The following RPS6KC1 variants were observed in gnomAD, a reference collection of about 807,000 sequenced individuals.
The protein encoded by RPS6KC1 is ribosomal protein S6 kinase C1.
A neutral mutation model predicts 103.8 loss-of-function variants in RPS6KC1; 54 were observed. The observed-to-expected ratio is 0.52, with a 90% CI of 0.42 to 0.65. The LOEUF is 0.65. Ranked by LOEUF, RPS6KC1 falls within the 30% of genes least tolerant of loss-of-function variation. The probability of loss-of-function intolerance (pLI) is 0.00; values close to 1 mark genes in which losing one functional copy is unlikely to be tolerated. For synonymous variants in RPS6KC1, 439 were observed against 438.7 expected, an observed-to-expected ratio of 1.00 and a Z score of -0.01; for missense variants, 1,151 against 1,253.8, an observed-to-expected ratio of 0.92 and a Z score of 1.24.
chr1:213,841,827 C>T, the RPS6KC1 span, among the ~76,000 whole-genome samples: 1 of 152,184 alleles, frequency 6.6e-6, no homozygotes, highest in African/African-American at 2.4e-5. Flanking sequence ...CAAAAGTTTT[C>T]AATGACTCAT....
At chr1:213,224,527 T>C (rs1442057112) in intron 8 of RPS6KC1, among the ~76,000 whole-genome samples, 3 of 152,240 alleles carry the variant, frequency 2.0e-5, no homozygotes, top group African/African-American at 7.2e-5. Flanking sequence ...CAATAAGGTA[T>C]GCTATCCAAG....
At chr1:213,639,542 G>T in the RPS6KC1 span, among the ~76,000 whole-genome samples, 1 of 151,872 alleles carries the variant, frequency 6.6e-6, no homozygotes, top group Non-Finnish European at 1.5e-5. Context: ...GGATTTTTTG[G>T]TAGATGTTCC....
the RPS6KC1 span, among the ~76,000 whole-genome samples, chr1:213,648,757 T>C: frequency 6.6e-6 from 1 of 152,080 alleles, no homozygotes; most frequent in East Asian, 1.9e-4. Context: ...GCCAGCCATA[T>C]GAGATATCAC....
the RPS6KC1 span, among the ~76,000 whole-genome samples, chr1:213,694,231 A>G: frequency 1.3e-5 from 2 of 152,186 alleles, no homozygotes; most frequent in Admixed American, 6.5e-5. Context: ...TTCAACTCTG[A>G]AAGGCTTCAA....
chr1:213,346,952 C>T, the RPS6KC1 span, among the ~76,000 whole-genome samples: 1 of 152,052 alleles, frequency 6.6e-6, no homozygotes, highest in Non-Finnish European at 1.5e-5. Context: ...AATAATTTTA[C>T]AGTGATGATA....
At chr1:213,702,544 G>A in the RPS6KC1 span, among the ~76,000 whole-genome samples, 1 of 151,748 alleles carries the variant, frequency 6.6e-6, no homozygotes, top group Non-Finnish European at 1.5e-5. Flanking sequence ...TTGTTTTGGG[G>A]CCTCTCTCTT....
intron 6 of RPS6KC1, among the ~76,000 whole-genome samples, chr1:213,167,233 G>T (rs1022240293): frequency 2.0e-5 from 3 of 152,146 alleles, no homozygotes; most frequent in Non-Finnish European, 2.9e-5. Context: ...GTGATGAGGG[G>T]AAGGGGTAGA....
chr1:213,190,282 G>A (rs1019757655), intron 8 of RPS6KC1, among the ~76,000 whole-genome samples: 4 of 151,976 alleles, frequency 2.6e-5, no homozygotes, highest in Non-Finnish European at 4.4e-5. Flanking sequence ...GAGTATGAGG[G>A]CTCCCTTTTT....
chr1:213,317,638 G>GTTA, the RPS6KC1 span, among the ~76,000 whole-genome samples: 2 of 152,334 alleles, frequency 1.3e-5, no homozygotes, highest in Admixed American at 1.3e-4. Context: ...CCTATAGCAG[G>GTTA]TAGGAAGTGC....
At chr1:213,649,280 C>T in the RPS6KC1 span, among the ~76,000 whole-genome samples, 1 of 151,722 alleles carries the variant, frequency 6.6e-6, no homozygotes, top group African/African-American at 2.4e-5. Flanking sequence ...AAAAAGTCTC[C>T]AACAATGTCT....
At chr1:213,706,328 C>T in the RPS6KC1 span, among the ~76,000 whole-genome samples, 1 of 152,160 alleles carries the variant, frequency 6.6e-6, no homozygotes, top group Non-Finnish European at 1.5e-5. Context: ...GGGCAGGCAT[C>T]AGCTAGGTTT....
chr1:213,450,770 G>A, the RPS6KC1 span, among the ~76,000 whole-genome samples: 23 of 152,298 alleles, frequency 1.5e-4, no homozygotes, highest in South Asian at 4.6e-3. Context: ...GAGGTCAGGA[G>A]TTCGAGACCA....
chr1:213,272,725 G>A lies in RPS6KC1; in HGVS notation c.*91G>A. 1.1e-6 allele frequency: 1 copy of A among 876,246 alleles called. No individual in the cohort carries two copies. The highest frequency in any genetic ancestry group is 1.9e-6 in the Non-Finnish European group (1 of 529,622). The allele number at this position is 876,246 out of a possible 1,614,324, so 54.3% of individuals were successfully genotyped here. ...CACCTCTGACTCACAGTTACTTATG[G>A]AGCACCAAAGCATTTGGATAAAGAC... On this transcript the variant is annotated 3_prime_UTR_variant, in exon 15 of 15. Coordinates refer to ENST00000366960, the MANE Select transcript of RPS6KC1 (RefSeq NM_012424.6).
chr1:213,853,659 A>G, the RPS6KC1 span, among the ~76,000 whole-genome samples: 2 of 152,200 alleles, frequency 1.3e-5, no homozygotes, highest in Non-Finnish European at 2.9e-5. Flanking sequence ...TCTCTTCAAG[A>G]CACATTGAAT....
chr1:213,562,359 GTTTTTTTTTTTTTTTTTTTTTTTTTTT>G, the RPS6KC1 span, among the ~76,000 whole-genome samples: 107 of 36,300 alleles, frequency 2.9e-3, no homozygotes, highest in African/African-American at 9.8e-3. Flanking sequence ...GAAAAGTTCT[GTTTTTTTTTTTTTTTTTTTTTTTTTTT>G]TTTTTTTTTT....
At chr1:213,346,687 A>G in the RPS6KC1 span, among the ~76,000 whole-genome samples, 2 of 152,314 alleles carry the variant, frequency 1.3e-5, no homozygotes, top group Middle Eastern at 3.4e-3. Flanking sequence ...CCTTTAATAC[A>G]TTATAAATGA....
the RPS6KC1 span, among the ~76,000 whole-genome samples, chr1:213,534,933 C>T: frequency 6.6e-6 from 1 of 152,174 alleles, no homozygotes; most frequent in Non-Finnish European, 1.5e-5. Flanking sequence ...TCCTTCTCCC[C>T]AATCATGGTT....
At chr1:213,266,537 GT>G (rs2094915867) in intron 14 of RPS6KC1, among the ~76,000 whole-genome samples, 1 of 152,222 alleles carries the variant, frequency 6.6e-6, no homozygotes, top group East Asian at 1.9e-4. Flanking sequence ...GACAGATTTG[GT>G]AAAAAACCAG....
At chr1:213,692,388 CAA>C in the RPS6KC1 span, among the ~76,000 whole-genome samples, 197 of 134,714 alleles carry the variant, frequency 1.5e-3, no homozygotes, top group Middle Eastern at 0.015. Flanking sequence ...GACTCTGTCT[CAA>C]AAAAAAAAAA....
Sources: gnomAD v4.1 joint callset for allele counts (sites outside exome capture counted in the v4.1 genomes callset) on GRCh38, gnomAD v4.1.1 for gene constraint, MANE v1.5 for transcripts, NCBI Gene and HGNC (gene_info 2026-07-23, HGNC 2026-07-21) for gene names.